ATP13A5: variants seen among roughly 807,000 people sequenced by gnomAD.
The protein encoded by ATP13A5 is ATPase 13A5.
A neutral mutation model predicts 150.2 loss-of-function variants in ATP13A5; 149 were observed. That is an observed-to-expected ratio of 0.99 (90% confidence interval 0.87 to 1.14). The LOEUF (loss-of-function observed/expected upper bound fraction) is 1.14, where lower values mean the gene tolerates loss of function less well. Ranked by LOEUF, ATP13A5 falls within the 50% of genes most tolerant of loss-of-function variation. The probability of loss-of-function intolerance (pLI) is 0.00; values close to 1 mark genes in which losing one functional copy is unlikely to be tolerated. For synonymous variants in ATP13A5, 497 were observed against 522.2 expected, an observed-to-expected ratio of 0.95 and a Z score of 0.66; for missense variants, 1,383 against 1,449.3, an observed-to-expected ratio of 0.95 and a Z score of 0.74.
At chr3:193,276,969 T>TA (rs1717246893) in intron 28 of ATP13A5, 139 bp from the exon 29 acceptor site, 12 of 631,178 alleles carry the variant, frequency 1.9e-5, no homozygotes, top group Non-Finnish European at 2.7e-5. Context: ...TTACAGATAA[T>TA]ACAACTGAAG....
intron 9 of ATP13A5, among the ~76,000 whole-genome samples, chr3:193,337,066 C>T (rs1180552379): frequency 1.3e-5 from 2 of 152,102 alleles, no homozygotes; most frequent in African/African-American, 2.4e-5. Context: ...TATCCTTCGC[C>T]CACTTTTTGA....
chr3:193,316,927 A>G (rs1719072626), intron 17 of ATP13A5, among the ~76,000 whole-genome samples: 1 of 152,232 alleles, frequency 6.6e-6, no homozygotes. Context: ...TGAAACTACT[A>G]GAGGAAAACA....
At chr3:193,359,359 G>A (rs138766590) in intron 5 of ATP13A5, among the ~76,000 whole-genome samples, 9 of 152,198 alleles carry the variant, frequency 5.9e-5, no homozygotes, top group African/African-American at 2.2e-4. Flanking sequence ...AGAGAGTAGG[G>A]TCTCACAGCA....
At chr3:193,366,529 T>TA (rs1713245003) in intron 1 of ATP13A5, among the ~76,000 whole-genome samples, 1 of 152,140 alleles carries the variant, frequency 6.6e-6, no homozygotes, top group African/African-American at 2.4e-5. Flanking sequence ...TTTCATAAGC[T>TA]AAAAGATCAA....
At chr3:193,329,774 AT>A (rs1711558867) in intron 12 of ATP13A5, among the ~76,000 whole-genome samples, 1 of 152,138 alleles carries the variant, frequency 6.6e-6, no homozygotes, top group African/African-American at 2.4e-5. Context: ...AGTCACTCCC[AT>A]TTGCCTTCTA....
intron 5 of ATP13A5, 115 bp from the exon 6 acceptor site, chr3:193,354,311 TA>T: frequency 1.1e-6 from 1 of 905,374 alleles, no homozygotes; most frequent in Non-Finnish European, 1.7e-6. Context: ...TGACTTTGAT[TA>T]AAAAATAATG....
intron 1 of ATP13A5, among the ~76,000 whole-genome samples, chr3:193,374,675 G>A (rs888113265): frequency 1.5e-4 from 21 of 142,246 alleles, no homozygotes; most frequent in Admixed American, 7.7e-4. Flanking sequence ...ACACACACAC[G>A]CATACATAGT....
At chr3:193,286,817 G>A (rs1204462830) in intron 26 of ATP13A5, among the ~76,000 whole-genome samples, 1 of 152,160 alleles carries the variant, frequency 6.6e-6, no homozygotes, top group Non-Finnish European at 1.5e-5. Context: ...AGCTTAGTGA[G>A]GAAGGCATGT....
rs1577323908 is a variant in ATP13A5, at chr3:193,284,903, T to C, written c.3226+11A>G. ...ATATTCAGAAAGAAAAATTAAACTT[T>C]ATATACTTACAGTTTGTATAGATGG... On this transcript the variant is annotated intron_variant, in intron 27 of 29. Coordinates refer to ENST00000342358, the MANE Select transcript of ATP13A5 (RefSeq NM_198505.4). The C allele has an allele frequency of 1.3e-6, 2 of 1,599,576 alleles. No homozygotes were observed. The highest frequency in any genetic ancestry group is 1.3e-5 in the African/African-American group (1 of 74,354).
chr3:193,316,475 T>G (rs1719056614), intron 17 of ATP13A5, among the ~76,000 whole-genome samples: 1 of 152,164 alleles, frequency 6.6e-6, no homozygotes, highest in Non-Finnish European at 1.5e-5. Flanking sequence ...CTCTATATCC[T>G]TGTCAACTTG....
chr3:193,351,373 A>G (rs1712557697), intron 6 of ATP13A5, among the ~76,000 whole-genome samples, 172 bp from the exon 7 acceptor site: 1 of 151,772 alleles, frequency 6.6e-6, no homozygotes, highest in South Asian at 2.1e-4. Flanking sequence ...TGTCAAACAC[A>G]TAGAATGTGA....
In ATP13A5 at chr3:193,362,400, T is replaced by C. The variant is rs2108900575; in HGVS notation, c.517A>G (p.Ser173Gly). 6.2e-7 allele frequency: 1 copy of C among 1,614,120 alleles called. No individual in the cohort carries two copies. The highest frequency in any genetic ancestry group is 1.1e-5 in the South Asian group (1 of 91,072). ...TCCTACCTGACCTCTTGCTCTTCACTGGTCAGACCCAATCCAAATGTCTGA... is the reference window on the plus strand; with the variant it reads ...TCCTACCTGACCTCTTGCTCTTCACCGGTCAGACCCAATCCAAATGTCTGA... ...IHQTFGLGLTSEEQEVRRLVC... is the reference protein window; with the variant it reads ...IHQTFGLGLTGEEQEVRRLVC... Residue 173 changes from serine to glycine, a missense_variant, in exon 5 of 30, where the codon AGT becomes GGT. Ser to Gly is a moderately conservative substitution (Grantham distance 56). Coordinates refer to ENST00000342358, the MANE Select transcript of ATP13A5 (RefSeq NM_198505.4).
chr3:193,330,390 G>A (rs1425189308), intron 12 of ATP13A5, among the ~76,000 whole-genome samples: 1 of 152,216 alleles, frequency 6.6e-6, no homozygotes, highest in Non-Finnish European at 1.5e-5. Flanking sequence ...AAATGGCAAA[G>A]GCCCTAATAA....
At chr3:193,292,753 A>G (rs1212515279) in intron 25 of ATP13A5, among the ~76,000 whole-genome samples, 3 of 152,076 alleles carry the variant, frequency 2.0e-5, no homozygotes, top group Admixed American at 1.3e-4. Context: ...TTACAAACCC[A>G]TGAATGGGGA....
At chr3:193,299,302 A>C in intron 24 of ATP13A5, 99 bp from the exon 25 acceptor site, 1 of 869,384 alleles carries the variant, frequency 1.2e-6, no homozygotes, top group East Asian at 2.8e-5. Flanking sequence ...GGCAGCTGTT[A>C]CTTTTTTTTC....
At chr3:193,287,677 G>C (rs1490280929) in intron 26 of ATP13A5, among the ~76,000 whole-genome samples, 1 of 152,128 alleles carries the variant, frequency 6.6e-6, no homozygotes, top group Non-Finnish European at 1.5e-5. Flanking sequence ...GATGTATAAG[G>C]AAATTAATGT....
intron 5 of ATP13A5, among the ~76,000 whole-genome samples, chr3:193,361,343 TA>T (rs1560150145): frequency 6.6e-6 from 1 of 152,214 alleles, no homozygotes; most frequent in African/African-American, 2.4e-5. Flanking sequence ...GAAAAACTTA[TA>T]AACAACAGAT....
At chr3:193,276,338 A>G (rs1225224833) in intron 29 of ATP13A5, among the ~76,000 whole-genome samples, 2 of 152,356 alleles carry the variant, frequency 1.3e-5, no homozygotes, top group East Asian at 1.9e-4. Context: ...GGAATTGACT[A>G]GAATAAGCAA....
Position 193,274,885 on chromosome 3 carries a change from T to A in ATP13A5, c.*157A>T. 1 of 1,035,246 alleles carries A rather than the reference T, an allele frequency of 9.7e-7. No homozygotes were observed. Among genetic ancestry groups the A allele is most frequent in the Non-Finnish European group, 1.4e-6 (1 of 703,316 alleles). 64.1% of individuals were successfully genotyped at this position (1,035,246 alleles called of 1,614,324 possible). A position where few individuals can be genotyped will look rare whatever the true frequency, so the allele number is the denominator to read the frequency against. ...AGCATACAGTCAGAATAAGCCTATC[T>A]AAGGTCCCTTGCTGCAAGGTTTAAT... On this transcript the variant is annotated 3_prime_UTR_variant, in exon 30 of 30. Coordinates refer to ENST00000342358, the MANE Select transcript of ATP13A5 (RefSeq NM_198505.4).
Sources: allele counts gnomAD v4.1 joint callset (sites outside exome capture counted in the v4.1 genomes callset), GRCh38; gene constraint gnomAD v4.1.1; transcripts MANE v1.5; gene names NCBI Gene and HGNC (gene_info 2026-07-23, HGNC 2026-07-21).